MAGI3: variants seen among roughly 807,000 people sequenced by gnomAD.
The protein encoded by MAGI3 is membrane associated guanylate kinase, WW and PDZ domain containing 3.
Under a neutral mutation model 121.8 loss-of-function variants are expected in MAGI3, and 43 were observed. That is an observed-to-expected ratio of 0.35 (90% confidence interval 0.28 to 0.46). The LOEUF is 0.46. Ranked by LOEUF, MAGI3 falls within the 20% of genes least tolerant of loss-of-function variation. MAGI3 has a pLI of 1.00. For missense variants in MAGI3, 1,547 were observed against 1,797.3 expected (o/e 0.86, Z 2.52); for synonymous variants, 553 against 639.3 (o/e 0.86, Z 2.04).
chr1:113,460,885 G>A (rs923939958), intron 1 of MAGI3, among the ~76,000 whole-genome samples: 9 of 151,312 alleles, frequency 5.9e-5, no homozygotes, highest in African/African-American at 2.2e-4. Flanking sequence ...CAGCAAAGTT[G>A]CAGGATACAA....
At position 113,623,009 on chromosome 1, in the gene MAGI3, A is replaced by C; in HGVS notation, c.1360+15A>C. ...AATTGCACCAGGTAAGAAATTTTTC[A>C]TAATTATTTGAAGAGTAGTGATACT... On this transcript the variant is annotated intron_variant, in intron 9 of 20. Transcript: ENST00000307546. 6.7e-7 allele frequency: 1 copy of C among 1,493,248 alleles called. No individual in the cohort carries two copies. Among genetic ancestry groups the C allele is most frequent in the Non-Finnish European group, 8.9e-7 (1 of 1,128,622 alleles). The allele number at this position is 1,493,248 out of a possible 1,614,324, so 92.5% of individuals were successfully genotyped here. A position where few individuals can be genotyped will look rare whatever the true frequency, so the allele number is the denominator to read the frequency against.
chr1:113,590,014 T>C (rs1200585301), intron 4 of MAGI3, among the ~76,000 whole-genome samples: 1 of 152,128 alleles, frequency 6.6e-6, no homozygotes, highest in African/African-American at 2.4e-5. Context: ...ATGGCTTTGC[T>C]GTTTATTGGC....
chr1:113,607,081 T>A (rs75872516), intron 6 of MAGI3, among the ~76,000 whole-genome samples: 3,490 of 152,292 alleles, frequency 0.023, 140 homozygotes, highest in African/African-American at 0.079. Flanking sequence ...TCTTTCTTCC[T>A]CCAGTTATTT....
chr1:113,653,364 G>A (rs1317640234), intron 14 of MAGI3, among the ~76,000 whole-genome samples: 1 of 152,104 alleles, frequency 6.6e-6, no homozygotes, highest in Non-Finnish European at 1.5e-5. Flanking sequence ...ATGAGGTCAG[G>A]AGTTCGAGAC....
chr1:113,671,898 G>A (rs2101021069), intron 17 of MAGI3, 62 bp downstream of exon 17: 1 of 1,423,362 alleles, frequency 7.0e-7, no homozygotes. Flanking sequence ...TTGCTCTGCT[G>A]TTCATAACCC....
intron 9 of MAGI3, among the ~76,000 whole-genome samples, chr1:113,625,248 G>T (rs1241334900): frequency 6.6e-6 from 1 of 152,098 alleles, no homozygotes; most frequent in Non-Finnish European, 1.5e-5. Flanking sequence ...TTGGTATTTT[G>T]ATAGAGATTT....
At position 113,483,546 on chromosome 1, in the gene MAGI3, G is replaced by A. The variant is rs549992362; in HGVS notation, c.317-65969G>A. 2.6e-5 allele frequency among the ~76,000 whole-genome samples: 4 copies of A among 152,206 alleles called. No individual in the cohort carries two copies. The South Asian group carries it at 6.2e-4, about 24-fold the overall frequency. ...TGGTACTGATTTTAAAGTTTCCCCCGTAATTGTGAAAAATAAGTTTCTGTT... is the reference window on the plus strand; with the variant it reads ...TGGTACTGATTTTAAAGTTTCCCCCATAATTGTGAAAAATAAGTTTCTGTT... On this transcript the variant is annotated intron_variant, in intron 1 of 20. Coordinates refer to ENST00000307546, the MANE Select transcript of MAGI3 (RefSeq NM_001142782.2).
rs144360922 is a variant in MAGI3 at position 113,658,918 on chromosome 1, A to C, written c.2630-162A>C. Among the ~76,000 whole-genome samples, 360 of 152,332 alleles carry C rather than the reference A, an allele frequency of 2.4e-3. 1 individual carries two copies. The highest frequency in any genetic ancestry group is 8.1e-3 in the African/African-American group (336 of 41,584). On this transcript the variant is annotated intron_variant, in intron 15 of 20. Transcript: ENST00000307546. The surrounding 1 kb of genome is among the most constrained non-coding windows in gnomAD (Gnocchi z 4.0). ...TGTGGGCAAAAGTGAGAAGTATGAA[A>C]ATAGTTCCGTTTGGATGCGATGATG...
intron 1 of MAGI3, among the ~76,000 whole-genome samples, chr1:113,528,942 G>T (rs1175519365): frequency 6.6e-6 from 1 of 152,066 alleles, no homozygotes; most frequent in Non-Finnish European, 1.5e-5. Flanking sequence ...TTCTCATGTG[G>T]TTATGTTACT....
intron 5 of MAGI3, among the ~76,000 whole-genome samples, chr1:113,593,108 G>A (rs1570913226): frequency 6.6e-6 from 1 of 152,170 alleles, no homozygotes; most frequent in South Asian, 2.1e-4. Context: ...TAGCTCAGCG[G>A]TTACAAAAGA....
At chr1:113,654,625 A>G (rs1302657548) in intron 15 of MAGI3, among the ~76,000 whole-genome samples, 1 of 152,228 alleles carries the variant, frequency 6.6e-6, no homozygotes, top group Non-Finnish European at 1.5e-5. Context: ...ATTCTAATCC[A>G]GAAGATGAAT....
chr1:113,503,540 T>G (rs1298251540), intron 1 of MAGI3, among the ~76,000 whole-genome samples: 2 of 152,088 alleles, frequency 1.3e-5, no homozygotes, highest in Non-Finnish European at 2.9e-5. Flanking sequence ...TATATTTATA[T>G]AGTCACATAT....
intron 1 of MAGI3, among the ~76,000 whole-genome samples, chr1:113,481,282 A>G (rs1331875886): frequency 6.6e-6 from 1 of 152,126 alleles, no homozygotes; most frequent in Non-Finnish European, 1.5e-5. Flanking sequence ...TTATACCCCA[A>G]ATCTTATAAA....
intron 9 of MAGI3, among the ~76,000 whole-genome samples, chr1:113,624,623 T>G (rs1651104581): frequency 6.6e-6 from 1 of 152,228 alleles, no homozygotes; most frequent in South Asian, 2.1e-4. Context: ...TCTTGTGAGA[T>G]GGATAGTTTG....
At chr1:113,400,047 G>C (rs1394438435) in intron 1 of MAGI3, among the ~76,000 whole-genome samples, 1 of 152,074 alleles carries the variant, frequency 6.6e-6, no homozygotes, top group East Asian at 1.9e-4. Flanking sequence ...GGGTATATAA[G>C]AGTTTTGAAA....
chr1:113,430,284 C>A (rs1653237134), intron 1 of MAGI3, among the ~76,000 whole-genome samples: 1 of 152,086 alleles, frequency 6.6e-6, no homozygotes, highest in Admixed American at 6.6e-5. Context: ...TAGCACAAGG[C>A]CTGGCACATA....
chr1:113,473,055 T>A (rs1655621045), intron 1 of MAGI3, among the ~76,000 whole-genome samples: 1 of 152,226 alleles, frequency 6.6e-6, no homozygotes, highest in Admixed American at 6.5e-5. Context: ...AAAATTCATG[T>A]ATTTTCATGT....
chr1:113,437,869 CT>C (rs59547776), intron 1 of MAGI3, among the ~76,000 whole-genome samples: 15 of 7,934 alleles, frequency 1.9e-3, no homozygotes, highest in Non-Finnish European at 2.7e-3. Context: ...TCTTCCTCTT[CT>C]TCTTCTTCTC....
At chr1:113,413,297 G>A (rs1245438822) in intron 1 of MAGI3, among the ~76,000 whole-genome samples, 1 of 152,142 alleles carries the variant, frequency 6.6e-6, no homozygotes. Flanking sequence ...AGTATAGTTT[G>A]AAGTCAGGTA....
Sources: gnomAD v4.1 joint callset for allele counts (sites outside exome capture counted in the v4.1 genomes callset) on GRCh38, gnomAD v4.1.1 for gene constraint, Gnocchi (gnomAD v3.1) non-coding constraint, MANE v1.5 for transcripts, NCBI Gene and HGNC (gene_info 2026-07-23, HGNC 2026-07-21) for gene names.